YIPF4: variants seen among roughly 807,000 people sequenced by gnomAD.
YIPF4 encodes Yip1 domain family member 4, also known as protein YIPF4.
A neutral mutation model predicts 29.4 loss-of-function variants in YIPF4; 18 were observed. That is an observed-to-expected ratio of 0.61 (90% CI 0.42 to 0.91). YIPF4 has a LOEUF of 0.91. Ranked by LOEUF, YIPF4 falls within the 40% of genes least tolerant of loss-of-function variation. YIPF4 has a pLI of 0.00. For synonymous variants in YIPF4, 115 were observed against 104.7 expected (o/e 1.10, Z -0.60); for missense variants, 279 against 282.7 (o/e 0.99, Z 0.09).
At chr2:32,278,980 A>ATTTTTTTTTT (rs61561911) in intron 1 of YIPF4, among the ~76,000 whole-genome samples, 2 of 146,690 alleles carry the variant, frequency 1.4e-5, no homozygotes, top group Non-Finnish European at 3.0e-5. Flanking sequence ...GTCATTTTCA[A>ATTTTTTTTTT]TTTTTTTTTT....
intron 3 of YIPF4, among the ~76,000 whole-genome samples, chr2:32,293,455 T>C (rs1454283215): frequency 1.3e-5 from 2 of 152,220 alleles, no homozygotes; most frequent in Non-Finnish European, 2.9e-5. Context: ...TTTTTCTTAG[T>C]ACAGAACAAA....
intron 3 of YIPF4, among the ~76,000 whole-genome samples, chr2:32,296,697 G>T (rs1316495173): frequency 6.6e-6 from 1 of 152,156 alleles, no homozygotes; most frequent in Non-Finnish European, 1.5e-5. Flanking sequence ...TTGGTTAGGT[G>T]ATAGGGTAGT....
chr2:32,281,215 T>G (rs2030396996), intron 1 of YIPF4, among the ~76,000 whole-genome samples: 1 of 152,052 alleles, frequency 6.6e-6, no homozygotes, highest in South Asian at 2.1e-4. Context: ...TTAGAGTATT[T>G]TAAGTATACT....
At chr2:32,283,406 T>C (rs1335416342) in intron 1 of YIPF4, among the ~76,000 whole-genome samples, 1 of 152,220 alleles carries the variant, frequency 6.6e-6, no homozygotes, top group East Asian at 1.9e-4. Flanking sequence ...AAATCCCTCA[T>C]TCTTAATGAT....
At chr2:32,287,510 G>T (rs980133157) in intron 1 of YIPF4, among the ~76,000 whole-genome samples, 1 of 152,136 alleles carries the variant, frequency 6.6e-6, no homozygotes, top group Non-Finnish European at 1.5e-5. Flanking sequence ...ATTGTTTATT[G>T]CAGGATACTC....
intron 4 of YIPF4, among the ~76,000 whole-genome samples, chr2:32,300,304 C>G (rs949181085): frequency 6.6e-6 from 1 of 151,688 alleles, no homozygotes; most frequent in Admixed American, 6.6e-5. Context: ...CATGGAGGCA[C>G]GCGCCTGTAG....
chr2:32,293,135 A>G (rs2030995484), intron 3 of YIPF4, among the ~76,000 whole-genome samples: 1 of 150,688 alleles, frequency 6.6e-6, no homozygotes. Flanking sequence ...GGGATTTGGC[A>G]GGGTCATAGG....
At chr2:32,291,936 C>T (rs989648680) in intron 2 of YIPF4, among the ~76,000 whole-genome samples, 4 of 152,236 alleles carry the variant, frequency 2.6e-5, no homozygotes, top group South Asian at 2.1e-4. Context: ...AAACACTTGG[C>T]GTCACTCCAG....
In YIPF4 at chr2:32,306,998, C is replaced by A; in HGVS notation, c.*1372C>A. ...CAGCCGTCTTCCTTTCCCCTAATCC[C>A]AAAAGGAAAGAAAGAAAAACTTATT... is the stretch of plus-strand genomic sequence containing the variant. On this transcript the variant is annotated 3_prime_UTR_variant, in exon 6 of 6. Coordinates refer to ENST00000238831, the MANE Select transcript of YIPF4 (RefSeq NM_032312.4). 3 of 737,422 alleles carry A rather than the reference C, an allele frequency of 4.1e-6. No individual in the cohort carries two copies. Among genetic ancestry groups the A allele is most frequent in the Non-Finnish European group, 3.8e-6 (2 of 521,116 alleles). 45.7% of individuals were successfully genotyped at this position (737,422 alleles called of 1,614,324 possible). A position where few individuals can be genotyped will look rare whatever the true frequency, so the allele number is the denominator to read the frequency against.
chr2:32,281,788 A>G (rs1240404398), intron 1 of YIPF4, among the ~76,000 whole-genome samples: 4 of 150,620 alleles, frequency 2.7e-5, no homozygotes, highest in Non-Finnish European at 5.9e-5. Context: ...CCAGCTACCT[A>G]GGAGGCTGAG....
intron 3 of YIPF4, among the ~76,000 whole-genome samples, chr2:32,296,510 A>G (rs2031194049): frequency 6.6e-6 from 1 of 151,692 alleles, no homozygotes; most frequent in Non-Finnish European, 1.5e-5. Flanking sequence ...GAAGATTACT[A>G]TACCATCATA....
chr2:32,291,957 G>T (rs1456686565), intron 2 of YIPF4, among the ~76,000 whole-genome samples: 1 of 152,162 alleles, frequency 6.6e-6, no homozygotes, highest in African/African-American at 2.4e-5. Flanking sequence ...GCTGACGATT[G>T]TAAGACTCCA....
chr2:32,305,996 A>G lies in YIPF4; in HGVS notation c.*370A>G, dbSNP rs189375990. 1.3e-3 allele frequency: 1,320 copies of G among 985,238 alleles called. 23 individuals carry two copies. The African/African-American group carries it at 0.021, about 16-fold the overall frequency. 61.0% of individuals were successfully genotyped at this position (985,238 alleles called of 1,614,324 possible). A position where few individuals can be genotyped will look rare whatever the true frequency, so the allele number is the denominator to read the frequency against. On this transcript the variant is annotated 3_prime_UTR_variant, in exon 6 of 6. Transcript: ENST00000238831. The stretch of plus-strand genomic sequence containing the variant: ...CAATATCTTGATAATCAAAAGTGCA[A>G]TTTTTTTCTTCAAAATGTTTTCTCC...
chr2:32,281,401 C>G (rs2030407742), intron 1 of YIPF4, among the ~76,000 whole-genome samples: 1 of 152,096 alleles, frequency 6.6e-6, no homozygotes, highest in South Asian at 2.1e-4. Context: ...GCCACCATGC[C>G]TGGTTAATTT....
chr2:32,278,727 C>G (rs950122269), intron 1 of YIPF4, among the ~76,000 whole-genome samples: 6 of 152,132 alleles, frequency 3.9e-5, no homozygotes, highest in Non-Finnish European at 7.4e-5. Flanking sequence ...AATTTGATGT[C>G]TTGCCCGAGT....
rs963239269 is a variant in YIPF4 at position 32,315,772 on chromosome 2, A to T, written c.*10146A>T. The T allele has an allele frequency of 6.6e-6, 1 of 152,160 alleles. No homozygotes were observed. The highest frequency in any genetic ancestry group is 1.5e-5 in the Non-Finnish European group (1 of 68,058). 9.4% of individuals were successfully genotyped at this position (152,160 alleles called of 1,614,324 possible). A position where few individuals can be genotyped will look rare whatever the true frequency, so the allele number is the denominator to read the frequency against. On this transcript the variant is annotated 3_prime_UTR_variant, in exon 6 of 6. Coordinates refer to ENST00000238831, the MANE Select transcript of YIPF4 (RefSeq NM_032312.4). ...AAAAGAAAAATATAAAGCTGGATCTATACCTCACTCCTTATACCAAAGTAC... is the reference window on the plus strand; with the variant it reads ...AAAAGAAAAATATAAAGCTGGATCTTTACCTCACTCCTTATACCAAAGTAC...
rs1283527341 is a variant in YIPF4, at chr2:32,309,473, T to TTAAA, written c.*3848_*3851dup. On this transcript the variant is annotated 3_prime_UTR_variant, in exon 6 of 6. Transcript: ENST00000238831. Reference sequence around the variant, plus strand: ...TAAATTAGTGAAAATTTGCATTGAATTAAAATGTGAAGTAAATATTTTTGT... The same window carrying TTAAA: ...TAAATTAGTGAAAATTTGCATTGAATTAAATAAAATGTGAAGTAAATATTTTTGT... 1 of 152,216 alleles carries TTAAA rather than the reference T, an allele frequency of 6.6e-6. No individual in the cohort carries two copies. The highest frequency in any genetic ancestry group is 1.5e-5 in the Non-Finnish European group (1 of 68,040). 9.4% of individuals were successfully genotyped at this position (152,216 alleles called of 1,614,324 possible).
Position 32,307,239 on chromosome 2 carries a change from T to A in YIPF4, c.*1613T>A. On this transcript the variant is annotated 3_prime_UTR_variant, in exon 6 of 6. Transcript: ENST00000238831. ...TAAGAAATTGCTGAGGTTAATACTT[T>A]GTTATAATGGATTATAATATTTGAC... 1.2e-6 allele frequency: 1 copy of A among 859,522 alleles called. No individual in the cohort carries two copies. The allele number at this position is 859,522 out of a possible 1,614,324, so 53.2% of individuals were successfully genotyped here.
intron 5 of YIPF4, among the ~76,000 whole-genome samples, chr2:32,305,050 A>G (rs1158027978): frequency 1.3e-5 from 2 of 152,136 alleles, no homozygotes; most frequent in African/African-American, 2.4e-5. Context: ...AAAATTTCCT[A>G]CTTTGCAGGA....
Sources: gnomAD v4.1 joint callset for allele counts (sites outside exome capture counted in the v4.1 genomes callset) on GRCh38, gnomAD v4.1.1 for gene constraint, MANE v1.5 for transcripts, NCBI Gene and HGNC (gene_info 2026-07-23, HGNC 2026-07-21) for gene names.